MDGA2: variants seen among roughly 807,000 people sequenced by gnomAD.
MDGA2 encodes MAM domain-containing glycosylphosphatidylinositol anchor protein 2.
A neutral mutation model predicts 117.8 loss-of-function variants in MDGA2; 40 were observed. That is an observed-to-expected ratio of 0.34 (90% CI 0.26 to 0.44). The LOEUF (loss-of-function observed/expected upper bound fraction) is 0.44, where lower values mean the gene tolerates loss of function less well. MDGA2 is among the 20% of genes least tolerant of loss of function. The pLI, the probability that MDGA2 is intolerant of heterozygous loss-of-function variation, is 1.00. For synonymous variants in MDGA2, 452 were observed against 439.0 expected, an observed-to-expected ratio of 1.03 and a Z score of -0.37; for missense variants, 1,123 against 1,250.6, an observed-to-expected ratio of 0.90 and a Z score of 1.54.
In MDGA2 at chr14:46,850,398, G is replaced by A. The variant is rs184741926; in HGVS notation, c.2884-4527C>T. On this transcript the variant is annotated intron_variant, in intron 15 of 16. Coordinates refer to ENST00000399232, the MANE Select transcript of MDGA2 (RefSeq NM_001113498.3). ...TTAAATAATACAATGCACTTCTGAT[G>A]ATTTGCCTTCATTGTTAATGGTGAC... 2.6e-4 allele frequency among the ~76,000 whole-genome samples: 40 copies of A among 151,886 alleles called. 2 individuals are homozygous for A. Among genetic ancestry groups the A allele is most frequent in the Admixed American group, 2.6e-3 (40 of 15,226 alleles).
intron 3 of MDGA2, among the ~76,000 whole-genome samples, chr14:47,167,193 T>C (rs1419922656): frequency 1.3e-5 from 2 of 152,138 alleles, no homozygotes; most frequent in East Asian, 3.8e-4. Flanking sequence ...GTCCAGACTA[T>C]TATTGCTGAA....
intron 5 of MDGA2, among the ~76,000 whole-genome samples, chr14:47,107,290 A>G (rs1880757762): frequency 1.3e-5 from 2 of 152,042 alleles, no homozygotes; most frequent in Middle Eastern, 6.8e-3. Context: ...ACCTGTCCTA[A>G]AACCAGACAA....
intron 7 of MDGA2, among the ~76,000 whole-genome samples, chr14:47,046,571 G>A (rs1405485269): frequency 6.6e-6 from 1 of 151,138 alleles, no homozygotes; most frequent in African/African-American, 2.4e-5. Context: ...TGCATGTTGT[G>A]CACATGTACC....
intron 6 of MDGA2, among the ~76,000 whole-genome samples, chr14:47,077,669 T>A (rs936087836): frequency 6.6e-6 from 1 of 151,328 alleles, no homozygotes; most frequent in African/African-American, 2.4e-5. Context: ...AATGATAATA[T>A]CCAGTTAGGA....
intron 1 of MDGA2, among the ~76,000 whole-genome samples, chr14:47,379,525 T>C (rs1891562779): frequency 1.3e-5 from 2 of 152,132 alleles, no homozygotes; most frequent in South Asian, 4.2e-4. Flanking sequence ...TGGAGGAAGA[T>C]CTACCAAGCA....
At chr14:47,546,605 G>C (rs1002148899) in intron 1 of MDGA2, among the ~76,000 whole-genome samples, 1 of 152,124 alleles carries the variant, frequency 6.6e-6, no homozygotes, top group African/African-American at 2.4e-5. Context: ...TAGAAGTTTT[G>C]CTTTGCCACT....
At chr14:47,453,792 C>A (rs560520319) in intron 1 of MDGA2, among the ~76,000 whole-genome samples, 6 of 152,034 alleles carry the variant, frequency 3.9e-5, no homozygotes, top group Non-Finnish European at 8.8e-5. Context: ...TAATCTATAG[C>A]CAGTTTATAA....
intron 1 of MDGA2, among the ~76,000 whole-genome samples, chr14:47,462,619 CCTAAGAGTCG>C (rs1893513667): frequency 6.6e-6 from 1 of 152,102 alleles, no homozygotes; most frequent in African/African-American, 2.4e-5. Flanking sequence ...ACAACTTCCA[CCTAAGAGTCG>C]CTAACTCAGA....
intron 1 of MDGA2, among the ~76,000 whole-genome samples, chr14:47,575,035 G>A (rs1896091065): frequency 6.6e-6 from 1 of 152,106 alleles, no homozygotes; most frequent in Non-Finnish European, 1.5e-5. Flanking sequence ...TATATAGGTA[G>A]GTGTCTTCTA....
Position 46,906,900 on chromosome 14 carries a change from C to A in MDGA2, c.2238+13112G>T, listed in dbSNP as rs566076297. Among the ~76,000 whole-genome samples, 9 of 150,816 alleles carry A rather than the reference C, an allele frequency of 6.0e-5. 1 individual carries two copies. The highest frequency in any genetic ancestry group is 1.9e-4 in the African/African-American group (8 of 41,240). Reference sequence around the variant, plus strand: ...ATGGCACATTAAAAATGTGCCAATACATAGATTAATTACCAATTGACTGCC... The same window carrying A: ...ATGGCACATTAAAAATGTGCCAATAAATAGATTAATTACCAATTGACTGCC... On this transcript the variant is annotated intron_variant, in intron 10 of 16. Transcript: ENST00000399232.
chr14:47,104,484 C>A (rs1489367677), intron 5 of MDGA2, among the ~76,000 whole-genome samples: 3 of 148,290 alleles, frequency 2.0e-5, no homozygotes, highest in African/African-American at 7.6e-5. Context: ...GACCCCCACT[C>A]CTACCCGCCA....
chr14:47,594,821 A>T (rs1896505355), intron 1 of MDGA2, among the ~76,000 whole-genome samples: 1 of 152,220 alleles, frequency 6.6e-6, no homozygotes, highest in Non-Finnish European at 1.5e-5. Context: ...CTGGTGATCA[A>T]ATGGAGCCAA....
At chr14:47,109,129 C>T (rs751917127) in intron 5 of MDGA2, among the ~76,000 whole-genome samples, 10 of 152,278 alleles carry the variant, frequency 6.6e-5, no homozygotes, top group Middle Eastern at 3.4e-3. Flanking sequence ...CCAAGCTAAG[C>T]ATTTCCAACT....
chr14:47,421,781 T>C (rs914986338), intron 1 of MDGA2, among the ~76,000 whole-genome samples: 2 of 152,164 alleles, frequency 1.3e-5, no homozygotes, highest in South Asian at 4.1e-4. Flanking sequence ...TAGAGAACTC[T>C]CGCATTGCAA....
Position 47,541,904 on chromosome 14 carries a change from C to T in MDGA2, c.280+132613G>A, listed in dbSNP as rs537637361. On this transcript the variant is annotated intron_variant, in intron 1 of 16. Transcript: ENST00000399232. ...TTATAGGGAGAATCACACAAGGCTC[C>T]TTTGTCTTCTTCGGAAAGTAAAATA... 1.2e-4 allele frequency among the ~76,000 whole-genome samples: 18 copies of T among 152,286 alleles called. No individual in the cohort carries two copies. In the South Asian group the frequency reaches 3.7e-3, roughly 32 times the overall value.
At chr14:47,307,417 A>G (rs1358976622) in intron 1 of MDGA2, among the ~76,000 whole-genome samples, 1 of 152,138 alleles carries the variant, frequency 6.6e-6, no homozygotes, top group Non-Finnish European at 1.5e-5. Flanking sequence ...GTGGTGGCTT[A>G]TGCCTGTAAT....
At position 47,035,278 on chromosome 14, in the gene MDGA2, C is replaced by G; in HGVS notation, c.1552G>C (p.Glu518Gln). Residue 518 changes from glutamate to glutamine, a missense_variant, in exon 8 of 17, where the codon GAA becomes CAA. Glu to Gln is a conservative substitution (Grantham distance 29). This residue lies in a region of MDGA2 where 890 missense variants were observed against 1,050.3 expected (regional missense o/e 0.85). Coordinates refer to ENST00000399232, the MANE Select transcript of MDGA2 (RefSeq NM_001113498.3). ...TCTCTGGTGACCAATGGTGATTTTT[C>G]CTGTGGAACAGTCAGATTGGGTGGA... Reference protein sequence around the residue: ...TVPPNLTVPQEKSPLVTREGD... With the variant: ...TVPPNLTVPQQKSPLVTREGD... 1 of 1,613,680 alleles carries G rather than the reference C, an allele frequency of 6.2e-7. No homozygotes were observed. The highest frequency in any genetic ancestry group is 2.2e-5 in the East Asian group (1 of 44,866).
intron 9 of MDGA2, among the ~76,000 whole-genome samples, chr14:46,949,450 C>T (rs940775611): frequency 6.6e-5 from 10 of 151,994 alleles, no homozygotes; most frequent in Admixed American, 5.3e-4. Flanking sequence ...ACCCATCATC[C>T]AAATAGCGAG....
chr14:47,381,814 C>G (rs1300074865), intron 1 of MDGA2, among the ~76,000 whole-genome samples: 1 of 152,128 alleles, frequency 6.6e-6, no homozygotes, highest in Non-Finnish European at 1.5e-5. Flanking sequence ...TCAATGCCAT[C>G]CCCGTCAAGC....
Sources: allele counts gnomAD v4.1 joint callset (sites outside exome capture counted in the v4.1 genomes callset), GRCh38; gene constraint gnomAD v4.1.1; regional missense constraint gnomAD v4.1.1; transcripts MANE v1.5; gene names NCBI Gene and HGNC (gene_info 2026-07-23, HGNC 2026-07-21).